RASGRF2: variants seen among roughly 807,000 people sequenced by gnomAD.
RASGRF2 encodes the protein ras-specific guanine nucleotide-releasing factor 2.
A neutral mutation model predicts 151.0 loss-of-function variants in RASGRF2; 76 were observed. That is an observed-to-expected ratio of 0.50 (90% CI 0.42 to 0.61). RASGRF2 has a LOEUF of 0.61. Ranked by LOEUF, RASGRF2 falls within the 20% of genes least tolerant of loss-of-function variation. The pLI is 0.00. For missense variants in RASGRF2, 1,148 were observed against 1,564.6 expected, an observed-to-expected ratio of 0.73 and a Z score of 4.49; for synonymous variants, 504 against 566.5, an observed-to-expected ratio of 0.89 and a Z score of 1.57.
intron 17 of RASGRF2, among the ~76,000 whole-genome samples, chr5:81,136,799 TC>T (rs1045188389): frequency 2.0e-5 from 3 of 152,114 alleles, no homozygotes; most frequent in African/African-American, 4.8e-5. Flanking sequence ...TTGGGTTTTT[TC>T]CCCCTTTCCT....
At chr5:81,194,090 T>C (rs1025307715) in intron 18 of RASGRF2, among the ~76,000 whole-genome samples, 2 of 150,916 alleles carry the variant, frequency 1.3e-5, no homozygotes, top group African/African-American at 2.4e-5. Flanking sequence ...ACATCTGTAA[T>C]CCCAGCATTT....
rs760171915 is a variant in RASGRF2, at chr5:81,042,982, A to G, written c.394A>G (p.Ser132Gly). 3.1e-6 allele frequency: 5 copies of G among 1,604,822 alleles called. No homozygotes were observed. The highest frequency in any genetic ancestry group is 4.5e-5 in the East Asian group (2 of 44,770). Residue 132 changes from serine to glycine, a missense_variant and splice_region_variant, in exon 2 of 27, where the codon AGT becomes GGT. Physicochemically the swap from Ser to Gly is moderately conservative, Grantham distance 56. This residue lies in a region of RASGRF2 where 221 missense variants were observed against 271.3 expected (regional missense o/e 0.81). Transcript: ENST00000265080. ...GTGGATGGAGGCCATTCACCAAGCC[A>G]GGTATAGGCTCAGTCTTCCTGTGTA... is the stretch of plus-strand genomic sequence containing the variant. ...KEWMEAIHQA[S>G]YADILIEREV...
chr5:81,139,506 A>T (rs556302571), intron 17 of RASGRF2, among the ~76,000 whole-genome samples: 1 of 151,330 alleles, frequency 6.6e-6, no homozygotes, highest in South Asian at 2.1e-4. Flanking sequence ...GATTACAGGC[A>T]GCTGCCACCA....
At chr5:81,041,790 T>G (rs1368185988) in intron 1 of RASGRF2, among the ~76,000 whole-genome samples, 1 of 152,184 alleles carries the variant, frequency 6.6e-6, no homozygotes, top group Admixed American at 6.5e-5. Flanking sequence ...TTGCGTAACC[T>G]CCATAATCAG....
chr5:81,137,980 T>G (rs774385543), intron 17 of RASGRF2, among the ~76,000 whole-genome samples: 10 of 152,324 alleles, frequency 6.6e-5, no homozygotes, highest in Non-Finnish European at 1.5e-4. Context: ...CTGGCTAGAA[T>G]TTGGGCCGTG....
chr5:81,131,815 G>A (rs1224030566), intron 17 of RASGRF2, among the ~76,000 whole-genome samples: 9 of 152,102 alleles, frequency 5.9e-5, no homozygotes, highest in East Asian at 1.9e-4. Context: ...CTCAAAACTC[G>A]AGATTCGGAT....
intron 2 of RASGRF2, among the ~76,000 whole-genome samples, chr5:81,067,250 T>C (rs1751635029): frequency 6.6e-6 from 1 of 152,160 alleles, no homozygotes; most frequent in African/African-American, 2.4e-5. Context: ...TGTCATACCA[T>C]TGGGGAAAGA....
intron 10 of RASGRF2, 26 bp from the exon 11 acceptor site, chr5:81,094,270 T>G: frequency 6.3e-7 from 1 of 1,595,250 alleles, no homozygotes. Flanking sequence ...CTTCAGCGTC[T>G]TAGTGAAAAA....
At chr5:80,978,754 T>C (rs1243433181) in intron 1 of RASGRF2, among the ~76,000 whole-genome samples, 1 of 151,256 alleles carries the variant, frequency 6.6e-6, no homozygotes, top group Non-Finnish European at 1.5e-5. Flanking sequence ...GCCATTGCAC[T>C]CCAGCCTGGG....
chr5:80,972,208 A>T (rs1747961015), intron 1 of RASGRF2, among the ~76,000 whole-genome samples: 1 of 152,158 alleles, frequency 6.6e-6, no homozygotes, highest in Non-Finnish European at 1.5e-5. Flanking sequence ...TATACTCAGG[A>T]ATGGAGTTGT....
chr5:81,217,138 A>G, intron 24 of RASGRF2: 1 of 650,494 alleles, frequency 1.5e-6, no homozygotes, highest in Non-Finnish European at 2.4e-6. Context: ...ATTTTTTTTC[A>G]AACACGTAGT....
At chr5:81,190,726 C>T (rs995066447) in intron 18 of RASGRF2, among the ~76,000 whole-genome samples, 2 of 152,090 alleles carry the variant, frequency 1.3e-5, no homozygotes, top group African/African-American at 4.8e-5. Flanking sequence ...CTATTGTTAT[C>T]CTTTAAACTC....
At chr5:81,072,452 A>G (rs1481028929) in intron 4 of RASGRF2, among the ~76,000 whole-genome samples, 1 of 152,222 alleles carries the variant, frequency 6.6e-6, no homozygotes, top group African/African-American at 2.4e-5. Context: ...GATGTGTTAA[A>G]TAGATAATAA....
At chr5:81,003,375 A>T (rs1487573738) in intron 1 of RASGRF2, among the ~76,000 whole-genome samples, 6 of 152,082 alleles carry the variant, frequency 3.9e-5, no homozygotes, top group Admixed American at 6.5e-5. Context: ...GGTGCCCACC[A>T]CCACGCCCAC....
At chr5:80,971,149 A>C (rs1338175415) in intron 1 of RASGRF2, among the ~76,000 whole-genome samples, 1 of 152,242 alleles carries the variant, frequency 6.6e-6, no homozygotes, top group African/African-American at 2.4e-5. Context: ...GAGTTTTCAC[A>C]AAGTGAATAT....
intron 6 of RASGRF2, among the ~76,000 whole-genome samples, 160 bp from the exon 7 acceptor site, chr5:81,080,436 C>T (rs1343868676): frequency 6.6e-6 from 1 of 152,146 alleles, no homozygotes; most frequent in Non-Finnish European, 1.5e-5. Context: ...TCAAGTGCTG[C>T]CCATGAGTGC....
chr5:81,085,761 A>G, intron 7 of RASGRF2, 41 bp from the exon 8 acceptor site: 1 of 1,613,058 alleles, frequency 6.2e-7, no homozygotes, highest in South Asian at 1.1e-5. Flanking sequence ...CCTGTCACCC[A>G]TCCTGATGTC....
intron 1 of RASGRF2, among the ~76,000 whole-genome samples, chr5:81,015,357 G>A (rs1298459243): frequency 2.0e-5 from 3 of 151,868 alleles, no homozygotes; most frequent in Non-Finnish European, 4.4e-5. Flanking sequence ...CTTCTGCAGT[G>A]GTTGAACTAA....
intron 12 of RASGRF2, among the ~76,000 whole-genome samples, chr5:81,098,496 A>G (rs1752608193): frequency 6.6e-6 from 1 of 152,168 alleles, no homozygotes; most frequent in Non-Finnish European, 1.5e-5. Flanking sequence ...GGGTCAAGTC[A>G]GGGAGAATAG....
Sources: allele counts gnomAD v4.1 joint callset (sites outside exome capture counted in the v4.1 genomes callset), GRCh38; gene constraint gnomAD v4.1.1; regional missense constraint gnomAD v4.1.1; transcripts MANE v1.5; gene names NCBI Gene and HGNC (gene_info 2026-07-23, HGNC 2026-07-21).